Variants in SLC44A2 observed in about 807,000 individuals in gnomAD.
SLC44A2 encodes solute carrier family 44 member 2 (CTL2 blood group), also known as choline transporter-like protein 2.
SLC44A2 carries 57 observed loss-of-function variants against 90.8 expected under a neutral mutation model. The ratio of observed to expected loss-of-function variants is 0.63; its 90% CI spans 0.51 to 0.78. The LOEUF is 0.78. SLC44A2 is among the 30% of genes least tolerant of loss of function. The pLI is 0.00. For synonymous variants in SLC44A2, 355 were observed against 360.7 expected, an observed-to-expected ratio of 0.98 and a Z score of 0.18; for missense variants, 794 against 919.7, an observed-to-expected ratio of 0.86 and a Z score of 1.77.
upstream of SLC44A2, among the ~76,000 whole-genome samples, chr19:10,623,690 G>C (rs1390859990): frequency 6.7e-6 from 1 of 148,422 alleles, no homozygotes; most frequent in Non-Finnish European, 1.5e-5. Context: ...TTATTGTATT[G>C]TATTTTTTTT....
chr19:10,624,947 C>T (rs1160054100), upstream of SLC44A2, among the ~76,000 whole-genome samples: 3 of 152,090 alleles, frequency 2.0e-5, no homozygotes, highest in African/African-American at 7.2e-5. Flanking sequence ...TGAGCCTGGG[C>T]AACATAGCAA....
At chr19:10,621,667 G>A (rs2066896127), upstream of SLC44A2, among the ~76,000 whole-genome samples, 1 of 152,010 alleles carries the variant, frequency 6.6e-6, no homozygotes, top group African/African-American at 2.4e-5. Flanking sequence ...TGCCCAGACT[G>A]GAGTGCAATG....
At position 10,627,812 on chromosome 19, in the gene SLC44A2, C is replaced by T. The variant is rs772762378; in HGVS notation, c.160+17C>T. Reference sequence around the variant, plus strand: ...GCATCATAGGTGAGTAGAGAATGAGCAGGACTTGGAGTTGCAGGGTAGGCG... The same window carrying T: ...GCATCATAGGTGAGTAGAGAATGAGTAGGACTTGGAGTTGCAGGGTAGGCG... On this transcript the variant is annotated intron_variant, in intron 3 of 21. Coordinates refer to ENST00000335757, the MANE Select transcript of SLC44A2 (RefSeq NM_020428.4). 4 of 1,613,886 alleles carry T rather than the reference C, an allele frequency of 2.5e-6. No homozygotes were observed. The South Asian group carries it at 4.4e-5, about 18-fold the overall frequency.
chr19:10,628,675 A>C (rs1312977420), intron 4 of SLC44A2, among the ~76,000 whole-genome samples: 1 of 152,194 alleles, frequency 6.6e-6, no homozygotes, highest in Non-Finnish European at 1.5e-5. Flanking sequence ...CTGGCAGCAC[A>C]CATTTTAAGG....
intron 2 of SLC44A2, among the ~76,000 whole-genome samples, chr19:10,626,745 A>ATATT (rs564304520): frequency 5.6e-4 from 84 of 150,914 alleles, no homozygotes; most frequent in Middle Eastern, 6.8e-3. Context: ...TACCATGTTT[A>ATATT]TATTTATTTA....
In SLC44A2 at chr19:10,644,554, G is replaced by A. The variant is rs1055965165; in HGVS notation, c.*1169G>A. 24 of 152,794 alleles carry A rather than the reference G, an allele frequency of 1.6e-4. No individual in the cohort carries two copies. Among genetic ancestry groups the A allele is most frequent in the Non-Finnish European group, 1.8e-4 (12 of 68,514 alleles). 9.5% of individuals were successfully genotyped at this position (152,794 alleles called of 1,614,324 possible). On this transcript the variant is annotated 3_prime_UTR_variant, in exon 22 of 22. Coordinates refer to ENST00000335757, the MANE Select transcript of SLC44A2 (RefSeq NM_020428.4). ...CCACTAATAAAGTGCCTATTGTACA[G>A]GTCCAGGCCTGGTGTGTTTGTTGGG...
intron 1 of SLC44A2, among the ~76,000 whole-genome samples, chr19:10,620,542 G>T (rs994034022): frequency 2.6e-5 from 4 of 152,120 alleles, no homozygotes; most frequent in African/African-American, 9.7e-5. Context: ...TATTTTCAGT[G>T]TTCACTCTAC....
intron 1 of SLC44A2, 74 bp downstream of exon 1, chr19:10,625,744 G>T: frequency 8.4e-7 from 1 of 1,186,436 alleles, no homozygotes. Flanking sequence ...GAGAACATGG[G>T]GCGCAGGGAA....
chr19:10,638,987 C>T (rs1018082432), intron 20 of SLC44A2, among the ~76,000 whole-genome samples: 2 of 152,010 alleles, frequency 1.3e-5, no homozygotes, highest in Admixed American at 6.6e-5. Flanking sequence ...TTAGTAGAGA[C>T]GGGGTTTCTC....
At chr19:10,620,524 C>G (rs1264495862) in intron 1 of SLC44A2, among the ~76,000 whole-genome samples, 2 of 152,074 alleles carry the variant, frequency 1.3e-5, no homozygotes, top group Non-Finnish European at 1.5e-5. Flanking sequence ...AAATTCTAAG[C>G]TCGTTTTTAT....
chr19:10,641,241 A>G, intron 20 of SLC44A2: 1 of 354,660 alleles, frequency 2.8e-6, no homozygotes, highest in South Asian at 2.1e-5. Context: ...AAAAAATACA[A>G]AAATTAGCTG....
upstream of SLC44A2, among the ~76,000 whole-genome samples, chr19:10,622,721 C>T (rs563060002): frequency 2.0e-5 from 3 of 151,678 alleles, no homozygotes; most frequent in Non-Finnish European, 4.4e-5. Context: ...GGCAACATTG[C>T]GAGACCCTGT....
intron 1 of SLC44A2, among the ~76,000 whole-genome samples, chr19:10,610,905 G>T (rs1918282045): frequency 6.6e-6 from 1 of 151,514 alleles, no homozygotes; most frequent in African/African-American, 2.4e-5. Flanking sequence ...CTCCCAAAGT[G>T]CTGGGATTAC....
At chr19:10,621,433 T>TG (rs1459311700), upstream of SLC44A2, among the ~76,000 whole-genome samples, 226 of 143,480 alleles carry the variant, frequency 1.6e-3, 8 homozygotes, top group African/African-American at 5.4e-3. Context: ...TTTTTTTTTT[T>TG]TTTTTTTTGG....
intron 16 of SLC44A2, 68 bp from the exon 17 acceptor site, chr19:10,637,576 G>A: frequency 1.4e-6 from 2 of 1,391,692 alleles, no homozygotes; most frequent in East Asian, 2.3e-5. Flanking sequence ...GTGTGATAGG[G>A]AAGAGGGGAT....
intron 20 of SLC44A2, chr19:10,640,945 G>C (rs2067108717): frequency 4.3e-6 from 1 of 232,884 alleles, no homozygotes; most frequent in Admixed American, 5.5e-5. Context: ...AAATTAGTCA[G>C]GTGTGCTGGT....
At chr19:10,640,127 G>T (rs954839640) in intron 20 of SLC44A2, among the ~76,000 whole-genome samples, 2 of 110,500 alleles carry the variant, frequency 1.8e-5, no homozygotes, top group Non-Finnish European at 1.7e-5. Flanking sequence ...GCCTTGCTCT[G>T]TCACCCACGC....
chr19:10,610,228 A>G (rs910985531), intron 1 of SLC44A2, among the ~76,000 whole-genome samples: 1 of 151,962 alleles, frequency 6.6e-6, no homozygotes, highest in Non-Finnish European at 1.5e-5. Flanking sequence ...TATATGACAG[A>G]TGATATGTGA....
At chr19:10,626,835 C>T (rs2066939259) in intron 2 of SLC44A2, among the ~76,000 whole-genome samples, 1 of 147,132 alleles carries the variant, frequency 6.8e-6, no homozygotes, top group Admixed American at 6.8e-5. Flanking sequence ...CTGCAACCTT[C>T]CCCTCCTGGT....
Sources: allele counts gnomAD v4.1 joint callset (sites outside exome capture counted in the v4.1 genomes callset), GRCh38; gene constraint gnomAD v4.1.1; transcripts MANE v1.5; gene names NCBI Gene and HGNC (gene_info 2026-07-23, HGNC 2026-07-21).